PLCL1: variants seen among roughly 807,000 people sequenced by gnomAD.
The protein encoded by PLCL1 is inactive phospholipase C-like protein 1.
In PLCL1, 41 loss-of-function variants were observed where a neutral mutation model predicts 84.4. That is an observed-to-expected ratio of 0.49 (90% CI 0.38 to 0.63). PLCL1 has a LOEUF of 0.63. Ranked by LOEUF, PLCL1 falls within the 30% of genes least tolerant of loss-of-function variation. The probability of loss-of-function intolerance (pLI) is 0.00; values close to 1 mark genes in which losing one functional copy is unlikely to be tolerated. For synonymous variants in PLCL1, 490 were observed against 488.3 expected (o/e 1.00, Z -0.05); for missense variants, 1,206 against 1,367.8 (o/e 0.88, Z 1.87).
chr2:197,854,114 G>C (rs140011279), intron 1 of PLCL1, among the ~76,000 whole-genome samples: 1 of 152,240 alleles, frequency 6.6e-6, no homozygotes, highest in East Asian at 1.9e-4. Context: ...CAGAGGTTCC[G>C]TGAGGGCAGG....
chr2:197,980,058 C>A (rs915351075), intron 1 of PLCL1, among the ~76,000 whole-genome samples: 12 of 152,138 alleles, frequency 7.9e-5, no homozygotes, highest in African/African-American at 2.9e-4. Context: ...ATTAGAGAGA[C>A]TCCATGCATT....
intron 1 of PLCL1, among the ~76,000 whole-genome samples, chr2:197,905,152 A>G (rs536286626): frequency 6.6e-6 from 1 of 152,284 alleles, no homozygotes; most frequent in South Asian, 2.1e-4. Context: ...ATAGGTATAC[A>G]TGTGCCATGG....
At chr2:198,081,641 T>G (rs1692716765) in intron 1 of PLCL1, among the ~76,000 whole-genome samples, 1 of 152,260 alleles carries the variant, frequency 6.6e-6, no homozygotes, top group Non-Finnish European at 1.5e-5. Flanking sequence ...GGCAATATTC[T>G]GTAATCTAAA....
At chr2:197,990,598 T>C (rs995019373) in intron 1 of PLCL1, among the ~76,000 whole-genome samples, 2 of 152,158 alleles carry the variant, frequency 1.3e-5, no homozygotes, top group African/African-American at 4.8e-5. Flanking sequence ...TTTATAAAAC[T>C]GTCAGCTCTC....
intron 1 of PLCL1, among the ~76,000 whole-genome samples, chr2:197,895,915 A>G (rs184515636): frequency 6.6e-6 from 1 of 152,024 alleles, no homozygotes; most frequent in East Asian, 1.9e-4. Context: ...TCATCTTTCG[A>G]TTATACTGTC....
chr2:197,880,685 T>A (rs575509479), intron 1 of PLCL1, among the ~76,000 whole-genome samples: 33 of 152,200 alleles, frequency 2.2e-4, no homozygotes, highest in Non-Finnish European at 4.1e-4. Flanking sequence ...AGGAGAAAAG[T>A]GGAATATTTA....
chr2:197,956,437 G>A (rs774795834), intron 1 of PLCL1, among the ~76,000 whole-genome samples: 1 of 152,162 alleles, frequency 6.6e-6, no homozygotes, highest in Non-Finnish European at 1.5e-5. Context: ...TATATACCCA[G>A]TAATGGGATT....
At position 197,905,579 on chromosome 2, in the gene PLCL1, T is replaced by C. The variant is rs529709050; in HGVS notation, c.240+100240T>C. Among the ~76,000 whole-genome samples the C allele has an allele frequency of 5.3e-5, 8 of 152,354 alleles. No individual in the cohort carries two copies. The South Asian group carries it at 1.2e-3, about 24-fold the overall frequency. ...CATACATGTGCATGTGTCTTTATAA[T>C]AGAATGATTTATAATCCTTTGGGTA... On this transcript the variant is annotated intron_variant, in intron 1 of 5. Transcript: ENST00000428675.
rs1692860259 is a variant in PLCL1 at position 198,085,753 on chromosome 2, A to G, written c.2236A>G (p.Ile746Val). 1.2e-6 allele frequency: 2 copies of G among 1,613,452 alleles called. No individual in the cohort carries two copies. The highest frequency in any genetic ancestry group is 1.7e-5 in the Admixed American group (1 of 59,996). Residue 746 changes from isoleucine (I) to valine (V), a missense_variant, in exon 2 of 6, where the codon ATA (isoleucine) becomes GTA (valine). Physicochemically the swap from Ile to Val is conservative, Grantham distance 29 (BLOSUM62 3). Transcript: ENST00000428675. The surrounding 1 kb of genome is among the most constrained non-coding windows in gnomAD (Gnocchi z 5.3). ...GGGAGCTTGTGCCAAAGGGGATGTC[A>G]TAGATCCCTATGTTTGTATAGAGAT... is the stretch of plus-strand genomic sequence containing the variant. ...PKGACAKGDV[I>V]DPYVCIEIHG...
chr2:197,982,827 G>A (rs1180103802), intron 1 of PLCL1, among the ~76,000 whole-genome samples: 4 of 152,162 alleles, frequency 2.6e-5, no homozygotes, highest in Non-Finnish European at 5.9e-5. Flanking sequence ...TTAGCTACAA[G>A]TCAACTGGCT....
intron 1 of PLCL1, among the ~76,000 whole-genome samples, chr2:198,069,394 C>A (rs1431370121): frequency 6.6e-6 from 1 of 151,982 alleles, no homozygotes; most frequent in Non-Finnish European, 1.5e-5. Flanking sequence ...GAGGCTGAGG[C>A]GAGAGGATTG....
At chr2:197,855,736 G>A (rs1372561554) in intron 1 of PLCL1, among the ~76,000 whole-genome samples, 1 of 151,982 alleles carries the variant, frequency 6.6e-6, no homozygotes, top group African/African-American at 2.4e-5. Context: ...TCTCCACTTG[G>A]GTTAGTCTTT....
At chr2:197,810,262 C>A (rs750863573) in intron 1 of PLCL1, 6 of 1,250,310 alleles carry the variant, frequency 4.8e-6, no homozygotes, top group Non-Finnish European at 6.3e-6. Flanking sequence ...CTTCTTATTG[C>A]AGGGTCTTTC....
rs1484504465 is a variant in PLCL1 at position 197,805,515 on chromosome 2, G to A, written c.240+176G>A. Among the ~76,000 whole-genome samples, 1 of 152,140 alleles carries A rather than the reference G, an allele frequency of 6.6e-6. No individual in the cohort carries two copies. The highest frequency in any genetic ancestry group is 2.4e-5 in the African/African-American group (1 of 41,430). ...GTTCCCAGACTCAGCTGTCAGCCAC[G>A]AGACGCACAAGTGACTTTTTCTCCC... On this transcript the variant is annotated intron_variant, in intron 1 of 5. Coordinates refer to ENST00000428675, the MANE Select transcript of PLCL1 (RefSeq NM_006226.4). This position sits in a 1 kb window ranked among gnomAD's most constrained non-coding sequence, Gnocchi z 4.0.
At chr2:198,006,911 G>C (rs1385878605) in intron 1 of PLCL1, among the ~76,000 whole-genome samples, 2 of 152,272 alleles carry the variant, frequency 1.3e-5, no homozygotes, top group Non-Finnish European at 2.9e-5. Flanking sequence ...TCCTAGGAAG[G>C]TTCTTTAGGT....
chr2:198,109,381 T>C (rs773225625), intron 5 of PLCL1, among the ~76,000 whole-genome samples: 12 of 151,848 alleles, frequency 7.9e-5, no homozygotes, highest in Non-Finnish European at 1.8e-4. Context: ...TATTATTGCA[T>C]TGGGGATTAA....
intron 1 of PLCL1, among the ~76,000 whole-genome samples, chr2:198,061,406 C>T (rs1465716846): frequency 1.3e-5 from 2 of 151,970 alleles, no homozygotes; most frequent in South Asian, 2.1e-4. Context: ...GGATGTTAAC[C>T]GTTCGAATCC....
chr2:197,866,172 T>TAA lies in PLCL1; in HGVS notation c.240+60835_240+60836dup, dbSNP rs1306348295. Reference sequence around the variant, plus strand: ...TATATATATAAACTATATATATATATAAACTATATATATATATAAACTATA... The same window carrying TAA: ...TATATATATAAACTATATATATATATAAAAACTATATATATATATAAACTATA... On this transcript the variant is annotated intron_variant, in intron 1 of 5. Coordinates refer to ENST00000428675, the MANE Select transcript of PLCL1 (RefSeq NM_006226.4). 3.4e-4 allele frequency among the ~76,000 whole-genome samples: 30 copies of TAA among 88,040 alleles called. 4 individuals are homozygous for TAA. The East Asian group carries it at 7.2e-3, about 21-fold the overall frequency. The allele number at this position is 88,040 out of a possible 152,430, so 57.8% of individuals were successfully genotyped here.
At chr2:198,027,758 G>A (rs1400842841) in intron 1 of PLCL1, among the ~76,000 whole-genome samples, 1 of 152,078 alleles carries the variant, frequency 6.6e-6, no homozygotes, top group Non-Finnish European at 1.5e-5. Flanking sequence ...ACTTTAGTAT[G>A]GTTATGTAAA....
Sources: gnomAD v4.1 joint callset for allele counts (sites outside exome capture counted in the v4.1 genomes callset) on GRCh38, gnomAD v4.1.1 for gene constraint, Gnocchi (gnomAD v3.1) non-coding constraint, MANE v1.5 for transcripts, NCBI Gene and HGNC (gene_info 2026-07-23, HGNC 2026-07-21) for gene names.